Variants in NFKB2 observed in about 807,000 individuals in gnomAD.
The protein encoded by NFKB2 is nuclear factor kappa B subunit 2.
Under a neutral mutation model 109.3 loss-of-function variants are expected in NFKB2, and 21 were observed. The ratio of observed to expected loss-of-function variants is 0.19; its 90% CI spans 0.14 to 0.28. The LOEUF is 0.28. Among genes scored for constraint, NFKB2 ranks in the 10% least tolerant of loss-of-function variants. NFKB2 has a pLI of 1.00. For missense variants in NFKB2, 806 were observed against 1,185.3 expected (o/e 0.68, Z 4.70); for synonymous variants, 478 against 489.9 (o/e 0.98, Z 0.32).
chr10:102,400,295 G>A lies in NFKB2; in HGVS notation c.1602G>A (p.Ala534=), dbSNP rs764692852. Residue 534 remains alanine, a synonymous_variant, in exon 16 of 23, where the codon GCG becomes GCA. Coordinates refer to ENST00000661543, the MANE Select transcript of NFKB2 (RefSeq NM_001322934.2). The surrounding 1 kb of genome is among the most constrained non-coding windows in gnomAD (Gnocchi z 6.3). ...NHLHQTPLHL[A]VITGQTSVVS... ...ATCCCCAGACGCCCCTGCACCTGGC[G>A]GTGATCACGGGGCAGACGAGTGTGG... is the stretch of plus-strand genomic sequence containing the variant. The A allele has an allele frequency of 8.7e-6, 14 of 1,614,008 alleles. No homozygotes were observed. The South Asian group carries it at 1.4e-4, about 16-fold the overall frequency.
Position 102,399,456 on chromosome 10 carries a change from C to T in NFKB2, c.1286C>T (p.Thr429Ile), listed in dbSNP as rs1458287262. The T allele has an allele frequency of 6.7e-6, 10 of 1,494,714 alleles. No individual in the cohort carries two copies. In the Admixed American group the frequency reaches 8.9e-5, roughly 13 times the overall value. 92.6% of individuals were successfully genotyped at this position (1,494,714 alleles called of 1,614,324 possible). A position where few individuals can be genotyped will look rare whatever the true frequency, so the allele number is the denominator to read the frequency against. ...EAAEPSAPSR[T>I]PQCEPQAPEM... ...GCGGAGCCAAGCGCCCCCTCCAGGA[C>T]CCCCCAGTGCGAGCCGCAGGCCCCG... Residue 429 changes from threonine (T) to isoleucine (I), a missense_variant, in exon 13 of 23, where the codon ACC (threonine) becomes ATC (isoleucine). By Grantham distance (89) the Thr-to-Ile change is moderately conservative. This residue lies in a region of NFKB2 where 209 missense variants were observed against 211.9 expected (regional missense o/e 0.99). Transcript: ENST00000661543.
At chr10:102,399,535 G>T (rs1017851207) in intron 13 of NFKB2, 38 bp downstream of exon 13, 4 of 1,520,828 alleles carry the variant, frequency 2.6e-6, no homozygotes, top group Non-Finnish European at 2.6e-6. Flanking sequence ...GGGCGCCGGG[G>T]CTGAGGACCT....
At position 102,401,727 on chromosome 10, in the gene NFKB2, T is replaced by C. The variant is rs769031066; in HGVS notation, c.2294-18T>C. 20 of 1,585,804 alleles carry C rather than the reference T, an allele frequency of 1.3e-5. No individual in the cohort carries two copies. Among genetic ancestry groups the C allele is most frequent in the South Asian group, 1.1e-4 (10 of 87,682 alleles). On this transcript the variant is annotated intron_variant, in intron 20 of 22. Transcript: ENST00000661543. This position sits in a 1 kb window ranked among gnomAD's most constrained non-coding sequence, Gnocchi z 4.2. ...ACTCTGGAGGTAAATGACATGTCTG[T>C]ATGTGTGTCCCCCTAAGGGCCGGGA...
chr10:102,399,957 G>T, intron 14 of NFKB2, 123 bp from the exon 15 acceptor site: 1 of 1,132,880 alleles, frequency 8.8e-7, no homozygotes, highest in Non-Finnish European at 1.3e-6. Context: ...CAGGCACAGC[G>T]ATGCCCTGGG....
intron 14 of NFKB2, 32 bp downstream of exon 14, chr10:102,399,750 C>T: frequency 1.4e-6 from 2 of 1,441,472 alleles, no homozygotes; most frequent in Non-Finnish European, 1.8e-6. Context: ...GGACGAGGCG[C>T]GGGGTGGGGG....
rs776929811 is a variant in NFKB2 at position 102,398,726 on chromosome 10, C to T, written c.992-13C>T. 3 of 1,612,220 alleles carry T rather than the reference C, an allele frequency of 1.9e-6. No homozygotes were observed. The highest frequency in any genetic ancestry group is 2.5e-6 in the Non-Finnish European group (3 of 1,180,016). On this transcript the variant is annotated splice_polypyrimidine_tract_variant and intron_variant, in intron 11 of 22. Coordinates refer to ENST00000661543, the MANE Select transcript of NFKB2 (RefSeq NM_001322934.2). The surrounding 1 kb of genome is among the most constrained non-coding windows in gnomAD (Gnocchi z 6.6). ...CAATAACTGGGCTCAATCTCATTTT[C>T]CTCTGCCCCCAGACAAGGAAGAGGT...
At chr10:102,399,209 C>T in intron 12 of NFKB2, 79 bp from the exon 13 acceptor site, 2 of 1,339,722 alleles carry the variant, frequency 1.5e-6, no homozygotes, top group South Asian at 2.6e-5. Context: ...GAGCGAAACT[C>T]CGTCTCAAAA....
Position 102,395,797 on chromosome 10 carries a change from G to T in NFKB2, c.-73+1G>T. On this transcript the variant is annotated splice_donor_variant, in intron 1 of 22. Coordinates refer to ENST00000661543, the MANE Select transcript of NFKB2 (RefSeq NM_001322934.2). LOFTEE classifies it low-confidence loss of function (5UTR_SPLICE). The stretch of plus-strand genomic sequence containing the variant: ...ACACCCGGACAGGCGGCTGGAGGAG[G>T]TCGGACCCTCCCCCAAATCTGGGCC... 1.5e-6 allele frequency: 1 copy of T among 686,896 alleles called. No homozygotes were observed. Among genetic ancestry groups the T allele is most frequent in the South Asian group, 1.8e-5 (1 of 56,082 alleles). 42.6% of individuals were successfully genotyped at this position (686,896 alleles called of 1,614,324 possible).
Position 102,396,951 on chromosome 10 carries a change from A to G in NFKB2, c.291A>G (p.Thr97=). The change falls in exon 6 of 23, where the codon ACA becomes ACG. Residue 97 remains threonine, a synonymous_variant. Coordinates refer to ENST00000661543, the MANE Select transcript of NFKB2 (RefSeq NM_001322934.2). The surrounding 1 kb of genome is among the most constrained non-coding windows in gnomAD (Gnocchi z 5.9). ...GPAKIEVDLV[T]HSDPPRAHAH... ...CCAAGATCGAGGTGGACCTGGTAAC[A>G]CACAGTGACCCACCTCGTGCTCATG... 1.4e-5 allele frequency: 23 copies of G among 1,612,926 alleles called. No homozygotes were observed. Among genetic ancestry groups the G allele is most frequent in the Non-Finnish European group, 1.8e-5 (21 of 1,179,020 alleles).
At position 102,397,129 on chromosome 10, in the gene NFKB2, G is replaced by A. The variant is rs1227323201; in HGVS notation, c.395+74G>A. Reference sequence around the variant, plus strand: ...CCCAGGCCCCAGCCCACCTCCATGAGCTTAGCATCTGACCAAGGGGAAAGA... The same window carrying A: ...CCCAGGCCCCAGCCCACCTCCATGAACTTAGCATCTGACCAAGGGGAAAGA... On this transcript the variant is annotated intron_variant, in intron 6 of 22. Coordinates refer to ENST00000661543, the MANE Select transcript of NFKB2 (RefSeq NM_001322934.2). This position sits in a 1 kb window ranked among gnomAD's most constrained non-coding sequence, Gnocchi z 4.7. 3 of 1,579,140 alleles carry A rather than the reference G, an allele frequency of 1.9e-6. No homozygotes were observed. Among genetic ancestry groups the A allele is most frequent in the Admixed American group, 1.7e-5 (1 of 57,690 alleles).
chr10:102,395,421 G>C (rs569368263), upstream of NFKB2, among the ~76,000 whole-genome samples: 32 of 152,356 alleles, frequency 2.1e-4, no homozygotes, highest in African/African-American at 7.7e-4. Flanking sequence ...TCCAGACCGG[G>C]GGAGGGGAGC....
chr10:102,396,627 G>A lies in NFKB2; in HGVS notation c.145-98G>A. Reference sequence around the variant, plus strand: ...GATGGTCACTGCTGCTGATCAGAGTGCTGTAGTTTGGTTCAGGGCTACTAC... The same window carrying A: ...GATGGTCACTGCTGCTGATCAGAGTACTGTAGTTTGGTTCAGGGCTACTAC... On this transcript the variant is annotated intron_variant, in intron 4 of 22. Transcript: ENST00000661543. This position sits in a 1 kb window ranked among gnomAD's most constrained non-coding sequence, Gnocchi z 5.9. The A allele has an allele frequency of 6.5e-7, 1 of 1,543,020 alleles. No homozygotes were observed. The highest frequency in any genetic ancestry group is 8.9e-7 in the Non-Finnish European group (1 of 1,124,288).
In NFKB2 at chr10:102,401,981, C is replaced by A. The variant is rs1163781184; in HGVS notation, c.2466+64C>A. 1.3e-6 allele frequency: 2 copies of A among 1,588,382 alleles called. No homozygotes were observed. The highest frequency in any genetic ancestry group is 2.7e-5 in the African/African-American group (2 of 74,426). On this transcript the variant is annotated intron_variant, in intron 21 of 22. Coordinates refer to ENST00000661543, the MANE Select transcript of NFKB2 (RefSeq NM_001322934.2). This position sits in a 1 kb window ranked among gnomAD's most constrained non-coding sequence, Gnocchi z 4.2. ...TTCCCGATCTGAGTCCAGGTGCCTCCTTGGCCCCAGGGCTCCCGAGCACAT... is the reference window on the plus strand; with the variant it reads ...TTCCCGATCTGAGTCCAGGTGCCTCATTGGCCCCAGGGCTCCCGAGCACAT...
chr10:102,397,031 T>C lies in NFKB2; in HGVS notation c.371T>C (p.Val124Ala). 6.2e-7 allele frequency: 1 copy of C among 1,613,254 alleles called. No homozygotes were observed. Among genetic ancestry groups the C allele is most frequent in the Non-Finnish European group, 8.5e-7 (1 of 1,179,542 alleles). Residue 124 changes from valine (V) to alanine (A), a missense_variant, in exon 6 of 23, where the codon GTG becomes GCG. Val to Ala is a moderately conservative substitution (Grantham distance 64). Coordinates refer to ENST00000661543, the MANE Select transcript of NFKB2 (RefSeq NM_001322934.2). The surrounding 1 kb of genome is among the most constrained non-coding windows in gnomAD (Gnocchi z 4.7). ...GAGCTGGGGATCTGCGCCGTTTCTGTGGGGCCCAAGGACATGACTGCCCAG... is the reference window on the plus strand; with the variant it reads ...GAGCTGGGGATCTGCGCCGTTTCTGCGGGGCCCAAGGACATGACTGCCCAG... ...CSELGICAVS[V>A]GPKDMTAQFN... is the part of the protein sequence containing the mutation.
chr10:102,400,666 G>A lies in NFKB2; in HGVS notation c.1810G>A (p.Val604Ile). 1 of 1,613,960 alleles carries A rather than the reference G, an allele frequency of 6.2e-7. No individual in the cohort carries two copies. Among genetic ancestry groups the A allele is most frequent in the Non-Finnish European group, 8.5e-7 (1 of 1,179,930 alleles). Residue 604 changes from valine (V) to isoleucine (I), a missense_variant, in exon 17 of 23, where the codon GTA (valine) becomes ATA (isoleucine). Around this residue, in one of 10 missense-constraint regions of NFKB2, gnomAD observed 163 missense variants for 207.1 expected, o/e 0.79. Transcript: ENST00000661543. This position sits in a 1 kb window ranked among gnomAD's most constrained non-coding sequence, Gnocchi z 6.3. Reference sequence around the variant, plus strand: ...TCCTGCATCCTTAGGACTGTATCCAGTACACCTGGCAGTCCGAGCCCGAAG... The same window carrying A: ...TCCTGCATCCTTAGGACTGTATCCAATACACCTGGCAGTCCGAGCCCGAAG... Reference protein sequence around the residue: ...HMPDFEGLYPVHLAVRARSPE... With the variant: ...HMPDFEGLYPIHLAVRARSPE...
At position 102,401,390 on chromosome 10, in the gene NFKB2, T is replaced by TA; in HGVS notation, c.2224-56dup. 7 of 1,613,366 alleles carry TA rather than the reference T, an allele frequency of 4.3e-6. No homozygotes were observed. Among genetic ancestry groups the TA allele is most frequent in the Non-Finnish European group, 5.9e-6 (7 of 1,179,718 alleles). On this transcript the variant is annotated intron_variant, in intron 19 of 22. Transcript: ENST00000661543. The surrounding 1 kb of genome is among the most constrained non-coding windows in gnomAD (Gnocchi z 4.2). ...TGACGGGGTCCAGAGTATCTGGACT[T>TA]AAAGACACAGGCTTAAGGACGAGGT... is the stretch of plus-strand genomic sequence containing the variant.
In NFKB2 at chr10:102,402,086, G is replaced by C. The variant is rs2061269738; in HGVS notation, c.2505G>C (p.Leu835=). The C allele has an allele frequency of 3.8e-6, 6 of 1,575,486 alleles. No homozygotes were observed. The highest frequency in any genetic ancestry group is 5.2e-6 in the Non-Finnish European group (6 of 1,160,122). The change falls in exon 22 of 23, where the codon CTG becomes CTC. Residue 835 remains leucine, a synonymous_variant. Transcript: ENST00000661543. ...ACCTGGCAGGTCTACTGGAGGCCCT[G>C]TCTGACATGGGCCTAGAGGAGGGAG... ...GGDLAGLLEA[L]SDMGLEEGVR...
chr10:102,400,013 C>T lies in NFKB2; in HGVS notation c.1470-67C>T, dbSNP rs2061200078. On this transcript the variant is annotated intron_variant, in intron 14 of 22. Transcript: ENST00000661543. The surrounding 1 kb of genome is among the most constrained non-coding windows in gnomAD (Gnocchi z 6.3). ...GCCCCAGCGAGGGAGACTATGAGGG[C>T]GGTGGGGCCTTGAAAGCGAAGGATG... The T allele has an allele frequency of 2.7e-6, 4 of 1,481,172 alleles. No homozygotes were observed. In the East Asian group the frequency reaches 6.9e-5, roughly 26 times the overall value. The allele number at this position is 1,481,172 out of a possible 1,614,324, so 91.8% of individuals were successfully genotyped here. A position where few individuals can be genotyped will look rare whatever the true frequency, so the allele number is the denominator to read the frequency against.
In NFKB2 at chr10:102,398,451, C is replaced by G; in HGVS notation, c.919C>G (p.Leu307Val). Residue 307 changes from leucine to valine, a missense_variant, in exon 11 of 23, where the codon CTG (leucine) becomes GTG (valine). Coordinates refer to ENST00000661543, the MANE Select transcript of NFKB2 (RefSeq NM_001322934.2). This position sits in a 1 kb window ranked among gnomAD's most constrained non-coding sequence, Gnocchi z 6.6. ...MKIERPVTVF[L>V]QLKRKRGGDV... ...GATTGAGCGGCCTGTAACAGTGTTT[C>G]TGCAACTGAAACGCAAGCGAGGAGG... 1 of 1,614,200 alleles carries G rather than the reference C, an allele frequency of 6.2e-7. No homozygotes were observed. The highest frequency in any genetic ancestry group is 8.5e-7 in the Non-Finnish European group (1 of 1,180,036).
Sources: allele counts gnomAD v4.1 joint callset (sites outside exome capture counted in the v4.1 genomes callset), GRCh38; gene constraint gnomAD v4.1.1; regional missense constraint gnomAD v4.1.1; non-coding constraint Gnocchi (gnomAD v3.1); transcripts MANE v1.5; gene names NCBI Gene and HGNC (gene_info 2026-07-23, HGNC 2026-07-21).